The following MCC variants were observed in gnomAD, a reference collection of about 807,000 sequenced individuals.
MCC encodes the protein MCC regulator of Wnt signaling pathway, also known as colorectal mutant cancer protein.
In MCC, 90 loss-of-function variants were observed where a neutral mutation model predicts 116.2. The ratio of observed to expected loss-of-function variants is 0.77; its 90% confidence interval spans 0.65 to 0.92. The LOEUF is 0.92. MCC is among the 40% of genes least tolerant of loss of function. MCC has a pLI of 0.00. For missense variants in MCC, 1,516 were observed against 1,312.2 expected (o/e 1.16, Z -2.40); for synonymous variants, 578 against 510.5 (o/e 1.13, Z -1.78).
At chr5:113,144,293 T>C (rs545319435) in intron 4 of MCC, among the ~76,000 whole-genome samples, 43 of 152,358 alleles carry the variant, frequency 2.8e-4, no homozygotes, top group African/African-American at 9.4e-4. Flanking sequence ...TTCCAGTCAC[T>C]GTGCATTTAA....
intron 3 of MCC, among the ~76,000 whole-genome samples, chr5:113,266,316 CTAGA>C (rs999171848): frequency 6.6e-6 from 1 of 151,948 alleles, no homozygotes; most frequent in African/African-American, 2.4e-5. Context: ...AAAATTCAGA[CTAGA>C]TATTCACTCC....
rs1750566319 is a variant in MCC at position 113,026,574 on chromosome 5, G to C, written c.*728C>G. The C allele has an allele frequency of 6.6e-6, 1 of 152,206 alleles. No homozygotes were observed. Among genetic ancestry groups the C allele is most frequent in the Non-Finnish European group, 1.5e-5 (1 of 68,056 alleles). 9.4% of individuals were successfully genotyped at this position (152,206 alleles called of 1,614,324 possible). A position where few individuals can be genotyped will look rare whatever the true frequency, so the allele number is the denominator to read the frequency against. Reference sequence around the variant, plus strand: ...AGGGAGAAATCCCAGAATCAAGAGAGCGCTCCCTTCCCAGCCCTGCCTCCA... The same window carrying C: ...AGGGAGAAATCCCAGAATCAAGAGACCGCTCCCTTCCCAGCCCTGCCTCCA... On this transcript the variant is annotated 3_prime_UTR_variant, in exon 19 of 19. Transcript: ENST00000408903.
chr5:113,441,619 A>ATTAGGTATTT (rs1414483687), intron 1 of MCC, among the ~76,000 whole-genome samples: 1 of 152,132 alleles, frequency 6.6e-6, no homozygotes, highest in African/African-American at 2.4e-5. Context: ...CGTCACCTAC[A>ATTAGGTATTT]TTAGGTATTT....
chr5:113,402,612 T>A (rs894047592), intron 1 of MCC, among the ~76,000 whole-genome samples: 2 of 152,208 alleles, frequency 1.3e-5, no homozygotes, highest in Non-Finnish European at 2.9e-5. Flanking sequence ...TACACTTTTT[T>A]AAGGGTTAAA....
intron 3 of MCC, among the ~76,000 whole-genome samples, chr5:113,264,784 T>C (rs945182584): frequency 6.6e-6 from 1 of 152,238 alleles, no homozygotes; most frequent in Admixed American, 6.5e-5. Context: ...GGCTCAGGCC[T>C]GTAATCCCAG....
intron 3 of MCC, among the ~76,000 whole-genome samples, chr5:113,209,788 C>A (rs766373862): frequency 6.6e-6 from 1 of 151,998 alleles, no homozygotes; most frequent in Admixed American, 6.6e-5. Flanking sequence ...TGTTTATGGT[C>A]GGGCTCCCAT....
chr5:113,469,511 C>A (rs1482160134), intron 1 of MCC, among the ~76,000 whole-genome samples: 2 of 152,150 alleles, frequency 1.3e-5, no homozygotes, highest in Admixed American at 1.3e-4. Context: ...GTTTCTCAAT[C>A]CTGAGTTCTA....
At chr5:113,457,426 C>T (rs1403102889) in intron 1 of MCC, among the ~76,000 whole-genome samples, 1 of 152,244 alleles carries the variant, frequency 6.6e-6, no homozygotes, top group Non-Finnish European at 1.5e-5. Context: ...TGAGCCTACC[C>T]CCGCCTCCGT....
At chr5:113,394,298 C>T (rs1163916533) in intron 1 of MCC, among the ~76,000 whole-genome samples, 1 of 152,278 alleles carries the variant, frequency 6.6e-6, no homozygotes, top group East Asian at 1.9e-4. Flanking sequence ...CCCTACCTCT[C>T]AACATTTTCC....
At chr5:113,340,858 C>T in intron 2 of MCC, 128 bp from the exon 3 acceptor site, 1 of 703,240 alleles carries the variant, frequency 1.4e-6, no homozygotes, top group East Asian at 2.7e-5. Context: ...ATGTGATGCC[C>T]AGGCTGCATG....
chr5:113,278,424 C>A (rs770658244), intron 3 of MCC, among the ~76,000 whole-genome samples: 5 of 152,142 alleles, frequency 3.3e-5, no homozygotes, highest in African/African-American at 1.2e-4. Flanking sequence ...AGTCCTCAGG[C>A]CTTTACAGTG....
At chr5:113,327,310 G>A (rs1767580343) in intron 3 of MCC, among the ~76,000 whole-genome samples, 1 of 151,968 alleles carries the variant, frequency 6.6e-6, no homozygotes, top group Non-Finnish European at 1.5e-5. Context: ...ACTTCGGGAG[G>A]CCGAGGCAGG....
intron 1 of MCC, among the ~76,000 whole-genome samples, chr5:113,403,732 C>G (rs1344925004): frequency 1.3e-5 from 2 of 152,144 alleles, no homozygotes; most frequent in African/African-American, 4.8e-5. Flanking sequence ...AAGCCCCCAG[C>G]GGGATTGCCA....
At chr5:113,289,808 T>A (rs1227294937) in intron 3 of MCC, among the ~76,000 whole-genome samples, 1 of 152,230 alleles carries the variant, frequency 6.6e-6, no homozygotes, top group Non-Finnish European at 1.5e-5. Context: ...ATAAGATGGT[T>A]ATTTTCAACC....
chr5:113,276,463 C>A (rs894949559), intron 3 of MCC, among the ~76,000 whole-genome samples: 2 of 152,020 alleles, frequency 1.3e-5, no homozygotes, highest in Non-Finnish European at 2.9e-5. Context: ...TATTTTCCCT[C>A]TCTCCTCCCC....
At position 113,063,935 on chromosome 5, in the gene MCC, G is replaced by C. The variant is rs758405860; in HGVS notation, c.2213+49C>G. The C allele has an allele frequency of 5.1e-6, 8 of 1,558,432 alleles. No homozygotes were observed. In the African/African-American group the frequency reaches 8.1e-5, roughly 16 times the overall value. On this transcript the variant is annotated intron_variant, in intron 14 of 18. Transcript: ENST00000408903. The stretch of plus-strand genomic sequence containing the variant: ...CACTGCACACCAAGTCCAGTGAACA[G>C]ATGCCATGTGGACACACGCCCACCC...
intron 1 of MCC, among the ~76,000 whole-genome samples, chr5:113,470,398 A>G (rs1772051363): frequency 6.6e-6 from 1 of 150,644 alleles, no homozygotes; most frequent in South Asian, 2.1e-4. Context: ...ATCTCTCAGC[A>G]TTTGCTTGTC....
chr5:113,221,159 G>A (rs529389679), intron 3 of MCC, among the ~76,000 whole-genome samples: 10 of 152,320 alleles, frequency 6.6e-5, no homozygotes, highest in East Asian at 5.8e-4. Flanking sequence ...AGCCGTGATC[G>A]TGCCACTGCA....
At chr5:113,188,445 G>A (rs1762004468) in intron 3 of MCC, among the ~76,000 whole-genome samples, 1 of 152,230 alleles carries the variant, frequency 6.6e-6, no homozygotes, top group East Asian at 1.9e-4. Context: ...GACAGCCACA[G>A]TGACTGCAGG....
Sources: allele counts gnomAD v4.1 joint callset (sites outside exome capture counted in the v4.1 genomes callset), GRCh38; gene constraint gnomAD v4.1.1; transcripts MANE v1.5; gene names NCBI Gene and HGNC (gene_info 2026-07-23, HGNC 2026-07-21).